The following NDUFB2 variants were observed in gnomAD, a reference collection of about 807,000 sequenced individuals.
NDUFB2 encodes NADH dehydrogenase [ubiquinone] 1 beta subcomplex subunit 2, mitochondrial.
NDUFB2 carries 13 observed loss-of-function variants against 13.4 expected under a neutral mutation model. The observed-to-expected ratio is 0.97, with a 90% CI of 0.63 to 1.54. The LOEUF (loss-of-function observed/expected upper bound fraction) is 1.54. Ranked by LOEUF, NDUFB2 falls within the 40% of genes most tolerant of loss-of-function variation. NDUFB2 has a pLI of 0.00. For missense variants in NDUFB2, 150 were observed against 139.7 expected (o/e 1.07, Z -0.37); for synonymous variants, 47 against 50.6 (o/e 0.93, Z 0.30).
chr7:140,706,208 A>G (rs1258357951), intron 3 of NDUFB2: 1 of 152,030 alleles, frequency 6.6e-6, no homozygotes, highest in Non-Finnish European at 1.5e-5. Context: ...CTCCCGCCTC[A>G]GCCTTCTCAG....
At position 140,698,627 on chromosome 7, in the gene NDUFB2, C is replaced by T. The variant is rs1479856770; in HGVS notation, c.98+1785C>T. Among the ~76,000 whole-genome samples, 5 of 151,986 alleles carry T rather than the reference C, an allele frequency of 3.3e-5. No homozygotes were observed. The East Asian group carries it at 9.7e-4, about 30-fold the overall frequency. On this transcript the variant is annotated intron_variant, in intron 1 of 3. Coordinates refer to ENST00000247866, the MANE Select transcript of NDUFB2 (RefSeq NM_004546.3). ...ATGCAGAGACCTCAAGGGAAGAGCCCGGTGGACATAAGAGGGCAGAGGAGG... is the reference window on the plus strand; with the variant it reads ...ATGCAGAGACCTCAAGGGAAGAGCCTGGTGGACATAAGAGGGCAGAGGAGG...
chr7:140,698,340 A>G, intron 1 of NDUFB2: 1 of 1,344,886 alleles, frequency 7.4e-7, no homozygotes, highest in South Asian at 1.1e-5. Flanking sequence ...TTTATGGAGC[A>G]TCTTCTATAT....
intron 1 of NDUFB2, chr7:140,701,097 CTA>C (rs1398679122): frequency 2.0e-5 from 3 of 151,608 alleles, no homozygotes; most frequent in African/African-American, 7.3e-5. Flanking sequence ...TTTTGGATGA[CTA>C]TTTAGAAAAA....
chr7:140,706,065 G>GTTATGTT (rs1563216378), intron 3 of NDUFB2: 202 of 137,740 alleles, frequency 1.5e-3, no homozygotes, highest in African/African-American at 4.8e-3. Flanking sequence ...TATGTTTTAT[G>GTTATGTT]TTATGTTATG....
chr7:140,702,873 G>A lies in NDUFB2; in HGVS notation c.106G>A (p.Gly36Ser), dbSNP rs780181562. Residue 36 changes from glycine to serine, a missense_variant, in exon 2 of 4, where the codon GGT becomes AGT. By Grantham distance (56) the Gly-to-Ser change is moderately conservative. Transcript: ENST00000247866. ...AGDGGVRHAG[G>S]GVHIEPRYRQ... Reference sequence around the variant, plus strand: ...TGTTGTTTTGTCTTGCAGTGCCGGTGGTGGTGTGCACATTGAGCCCCGGTA... The same window carrying A: ...TGTTGTTTTGTCTTGCAGTGCCGGTAGTGGTGTGCACATTGAGCCCCGGTA... The A allele has an allele frequency of 6.2e-7, 1 of 1,614,082 alleles. No individual in the cohort carries two copies. The highest frequency in any genetic ancestry group is 1.1e-5 in the South Asian group (1 of 91,070).
At chr7:140,702,740 C>T in intron 1 of NDUFB2, 126 bp from the exon 2 acceptor site, 2 of 1,116,402 alleles carry the variant, frequency 1.8e-6, no homozygotes, top group East Asian at 5.0e-5. Context: ...TTGTGAACTT[C>T]TGTCTATATT....
intron 1 of NDUFB2, chr7:140,697,537 A>G (rs1794831955): frequency 1.7e-6 from 1 of 600,902 alleles, no homozygotes; most frequent in Non-Finnish European, 2.9e-6. Flanking sequence ...GGTGCGAGGT[A>G]GGGAGCAGCT....
At chr7:140,697,277 G>A (rs932857884) in intron 1 of NDUFB2, 6 of 702,198 alleles carry the variant, frequency 8.5e-6, no homozygotes, top group Non-Finnish European at 1.3e-5. Context: ...CGGAATTTAG[G>A]GTAGAGTCTG....
intron 1 of NDUFB2, chr7:140,702,082 G>A (rs909269782): frequency 4.3e-6 from 3 of 700,396 alleles, no homozygotes; most frequent in Admixed American, 2.0e-5. Flanking sequence ...ACATAAAAGA[G>A]AATATGGTTT....
chr7:140,706,041 A>ATGT (rs1279739561), intron 3 of NDUFB2: 4 of 142,378 alleles, frequency 2.8e-5, no homozygotes, highest in African/African-American at 1.1e-4. Context: ...TTGTTATGTT[A>ATGT]TGTTATGTTA....
chr7:140,702,674 C>A, intron 1 of NDUFB2, 192 bp from the exon 2 acceptor site: 3 of 592,742 alleles, frequency 5.1e-6, no homozygotes, highest in Admixed American at 6.9e-5. Context: ...CAGTTTTGGT[C>A]AGTTTTTGCT....
intron 1 of NDUFB2, among the ~76,000 whole-genome samples, chr7:140,697,612 G>C (rs774983026): frequency 1.2e-4 from 19 of 152,194 alleles, no homozygotes; most frequent in Non-Finnish European, 2.2e-4. Flanking sequence ...AGTCATGGAT[G>C]ATTCCAGGTC....
chr7:140,702,112 G>A, intron 1 of NDUFB2: 1 of 679,286 alleles, frequency 1.5e-6, no homozygotes, highest in South Asian at 1.6e-5. Flanking sequence ...TTCTTATCTA[G>A]ATGAAATTGG....
At chr7:140,705,227 G>T (rs774213295) in intron 3 of NDUFB2, 16 of 223,476 alleles carry the variant, frequency 7.2e-5, no homozygotes, top group Non-Finnish European at 1.2e-4. Flanking sequence ...AGCCTCCTGA[G>T]TAGCTGGGAT....
chr7:140,699,165 T>A (rs1236711921), intron 1 of NDUFB2, among the ~76,000 whole-genome samples: 2 of 152,226 alleles, frequency 1.3e-5, no homozygotes, highest in Non-Finnish European at 2.9e-5. Context: ...CTCAAAAAAA[T>A]AAAAATAAAA....
At chr7:140,697,080 AG>A (rs940037644) in intron 1 of NDUFB2, 36 of 588,506 alleles carry the variant, frequency 6.1e-5, no homozygotes, top group Non-Finnish European at 9.9e-5. Context: ...TCATGGTAGT[AG>A]GGGCCGCCTG....
At position 140,702,001 on chromosome 7, in the gene NDUFB2, T is replaced by G. The variant is rs762529683; in HGVS notation, c.99-865T>G. On this transcript the variant is annotated intron_variant, in intron 1 of 3. Transcript: ENST00000247866. ...ATCAAGAACCACTGCCCTGTTACTGTTCACGAATCTGTGCATTATGAAGAC... is the reference window on the plus strand; with the variant it reads ...ATCAAGAACCACTGCCCTGTTACTGGTCACGAATCTGTGCATTATGAAGAC... 27 of 700,090 alleles carry G rather than the reference T, an allele frequency of 3.9e-5. No individual in the cohort carries two copies. In the Middle Eastern group the frequency reaches 4.1e-3, roughly 107 times the overall value. 43.4% of individuals were successfully genotyped at this position (700,090 alleles called of 1,614,324 possible). A position where few individuals can be genotyped will look rare whatever the true frequency, so the allele number is the denominator to read the frequency against.
At chr7:140,699,140 AGAGT>A (rs1794862011) in intron 1 of NDUFB2, among the ~76,000 whole-genome samples, 1 of 152,214 alleles carries the variant, frequency 6.6e-6, no homozygotes, top group Non-Finnish European at 1.5e-5. Flanking sequence ...CCTGGGTGAC[AGAGT>A]GAGACCCCGT....
At chr7:140,705,009 T>C in intron 3 of NDUFB2, 46 bp downstream of exon 3, 1 of 1,081,606 alleles carries the variant, frequency 9.2e-7, no homozygotes, top group Non-Finnish European at 1.3e-6. Context: ...CCTTTTTTCA[T>C]AAACATTAGT....
Sources: gnomAD v4.1 joint callset for allele counts (sites outside exome capture counted in the v4.1 genomes callset) on GRCh38, gnomAD v4.1.1 for gene constraint, MANE v1.5 for transcripts, NCBI Gene and HGNC (gene_info 2026-07-23, HGNC 2026-07-21) for gene names.